The following AMMECR1L variants were observed in gnomAD, a reference collection of about 807,000 sequenced individuals.
The protein encoded by AMMECR1L is AMMECR1-like protein.
In AMMECR1L, 4 loss-of-function variants were observed where a neutral mutation model predicts 36.8. The observed-to-expected ratio is 0.11, with a 90% CI of 0.05 to 0.25. The LOEUF is 0.25. Among genes scored for constraint, AMMECR1L ranks in the 10% least tolerant of loss-of-function variants. The pLI is 1.00. For synonymous variants in AMMECR1L, 147 were observed against 148.0 expected (o/e 0.99, Z 0.05); for missense variants, 232 against 392.1 (o/e 0.59, Z 3.45).
rs143512470 is a variant in AMMECR1L at position 127,873,963 on chromosome 2, C to T, written c.272G>A (p.Arg91Gln). Residue 91 changes from arginine to glutamine, a missense_variant, in exon 3 of 8, where the codon CGG (arginine) becomes CAG (glutamine). By Grantham distance (43) the Arg-to-Gln change is conservative. Coordinates refer to ENST00000272647, the MANE Select transcript of AMMECR1L (RefSeq NM_001199140.2). This position sits in a 1 kb window ranked among gnomAD's most constrained non-coding sequence, Gnocchi z 5.2. ...PASGALSPLP[R>Q]PNGTANTTKN... ...AGTGGTGTTGGCAGTTCCATTAGGCCGGGGAAGAGGGCTCAGCGCTCCCGA... is the reference window on the plus strand; with the variant it reads ...AGTGGTGTTGGCAGTTCCATTAGGCTGGGGAAGAGGGCTCAGCGCTCCCGA... 3.1e-5 allele frequency: 50 copies of T among 1,614,044 alleles called. No homozygotes were observed. Among genetic ancestry groups the T allele is most frequent in the East Asian group, 1.8e-4 (8 of 44,902 alleles).
intron 2 of AMMECR1L, among the ~76,000 whole-genome samples, chr2:127,875,991 C>T (rs1691221606): frequency 1.3e-5 from 2 of 151,998 alleles, no homozygotes; most frequent in Admixed American, 1.3e-4. Flanking sequence ...GGGGGTCTCA[C>T]TATGTTGTCC....
intron 5 of AMMECR1L, among the ~76,000 whole-genome samples, chr2:127,870,306 C>T (rs1286016908): frequency 7.3e-6 from 1 of 136,930 alleles, no homozygotes; most frequent in Non-Finnish European, 1.5e-5. Flanking sequence ...GAGCGAGACT[C>T]TGTCTCAAAA....
At chr2:127,868,111 C>T (rs1329960054) in intron 6 of AMMECR1L, among the ~76,000 whole-genome samples, 2 of 152,098 alleles carry the variant, frequency 1.3e-5, no homozygotes, top group African/African-American at 4.8e-5. Context: ...CCAGTATCCA[C>T]CTACCTTGCC....
chr2:127,869,194 A>T lies in AMMECR1L; in HGVS notation c.724+260T>A, dbSNP rs1690843808. On this transcript the variant is annotated intron_variant, in intron 6 of 7. Coordinates refer to ENST00000272647, the MANE Select transcript of AMMECR1L (RefSeq NM_001199140.2). The surrounding 1 kb of genome is among the most constrained non-coding windows in gnomAD (Gnocchi z 4.7). The stretch of plus-strand genomic sequence containing the variant: ...GCCACTGTAGTTTAAGGGGCTAAGA[A>T]ATAAAACTATTCATTGAAAAGAAGT... 6.6e-6 allele frequency among the ~76,000 whole-genome samples: 1 copy of T among 152,234 alleles called. No individual in the cohort carries two copies. The highest frequency in any genetic ancestry group is 1.5e-5 in the Non-Finnish European group (1 of 68,042).
At chr2:127,883,984 TAGCTCACTCTAATGGGAGTATGAAA>T (rs1691639532) in intron 2 of AMMECR1L, among the ~76,000 whole-genome samples, 194 bp downstream of exon 2, 1 of 152,186 alleles carries the variant, frequency 6.6e-6, no homozygotes, top group South Asian at 2.1e-4. Context: ...CGCCACCACC[TAGCTCACTCTAATGGGAGTATGAAA>T]AACAAACTTG....
Position 127,873,148 on chromosome 2 carries a change from G to A in AMMECR1L, c.407+680C>T. 1.0e-5 allele frequency: 10 copies of A among 985,382 alleles called. No individual in the cohort carries two copies. The highest frequency in any genetic ancestry group is 1.2e-5 in the Non-Finnish European group (10 of 829,922). 61.0% of individuals were successfully genotyped at this position (985,382 alleles called of 1,614,324 possible). A position where few individuals can be genotyped will look rare whatever the true frequency, so the allele number is the denominator to read the frequency against. On this transcript the variant is annotated intron_variant, in intron 3 of 7. Transcript: ENST00000272647. The surrounding 1 kb of genome is among the most constrained non-coding windows in gnomAD (Gnocchi z 5.2). ...CCCCCAAAACAAAAATAAAAAAACAGCAATGCTCTTCAAAGCCAGCTCAGA... is the reference window on the plus strand; with the variant it reads ...CCCCCAAAACAAAAATAAAAAAACAACAATGCTCTTCAAAGCCAGCTCAGA...
At chr2:127,875,606 A>T (rs2104765538) in intron 2 of AMMECR1L, among the ~76,000 whole-genome samples, 1 of 152,376 alleles carries the variant, frequency 6.6e-6, no homozygotes, top group Admixed American at 6.5e-5. Context: ...GTTGAATGAT[A>T]TAAACATTTT....
rs1256891625 is a variant in AMMECR1L, at chr2:127,874,928, A to T, written c.-38-656T>A. On this transcript the variant is annotated intron_variant, in intron 2 of 7. Coordinates refer to ENST00000272647, the MANE Select transcript of AMMECR1L (RefSeq NM_001199140.2). The surrounding 1 kb of genome is among the most constrained non-coding windows in gnomAD (Gnocchi z 5.2). ...CCTCTGAACTCACTCCAATTTCTAT[A>T]CATCTCCCTATCCTTTCAAGACCCC... Among the ~76,000 whole-genome samples the T allele has an allele frequency of 6.6e-6, 1 of 152,110 alleles. No homozygotes were observed. Among genetic ancestry groups the T allele is most frequent in the Non-Finnish European group, 1.5e-5 (1 of 68,008 alleles).
chr2:127,869,558 T>C lies in AMMECR1L; in HGVS notation c.634-14A>G. The C allele has an allele frequency of 6.3e-7, 1 of 1,597,066 alleles. No homozygotes were observed. The highest frequency in any genetic ancestry group is 8.6e-7 in the Non-Finnish European group (1 of 1,164,574). ...ATGGACCCCTACCTATAGAAAAAAGTACAACCAAGTAAATGGCATTTACTT... is the reference window on the plus strand; with the variant it reads ...ATGGACCCCTACCTATAGAAAAAAGCACAACCAAGTAAATGGCATTTACTT... On this transcript the variant is annotated splice_polypyrimidine_tract_variant and intron_variant, in intron 5 of 7. Coordinates refer to ENST00000272647, the MANE Select transcript of AMMECR1L (RefSeq NM_001199140.2). The surrounding 1 kb of genome is among the most constrained non-coding windows in gnomAD (Gnocchi z 4.7).
chr2:127,883,090 G>C (rs1691586811), intron 2 of AMMECR1L, among the ~76,000 whole-genome samples: 1 of 138,632 alleles, frequency 7.2e-6, no homozygotes. Flanking sequence ...ATAAAGAACT[G>C]CAAATTTCTT....
intron 3 of AMMECR1L, among the ~76,000 whole-genome samples, chr2:127,872,456 A>G (rs1228110647): frequency 6.6e-6 from 1 of 152,174 alleles, no homozygotes; most frequent in East Asian, 1.9e-4. Flanking sequence ...AAGAGGTTTC[A>G]AGGCCTGTTC....
At chr2:127,883,895 G>A (rs1691633777) in intron 2 of AMMECR1L, among the ~76,000 whole-genome samples, 1 of 152,148 alleles carries the variant, frequency 6.6e-6, no homozygotes, top group Non-Finnish European at 1.5e-5. Context: ...CAACCTCTTT[G>A]GTTGTATTGA....
rs1690878922 is a variant in AMMECR1L, at chr2:127,869,874, T to C, written c.634-330A>G. ...CATGCCACAAGGTTTTTATCTGGGG[T>C]CATGATCCTTCACATCTGATTCCTA... is the stretch of plus-strand genomic sequence containing the variant. On this transcript the variant is annotated intron_variant, in intron 5 of 7. Transcript: ENST00000272647. This position sits in a 1 kb window ranked among gnomAD's most constrained non-coding sequence, Gnocchi z 4.7. 6.6e-6 allele frequency among the ~76,000 whole-genome samples: 1 copy of C among 152,208 alleles called. No homozygotes were observed. The highest frequency in any genetic ancestry group is 2.4e-5 in the African/African-American group (1 of 41,446).
At chr2:127,867,130 C>A in intron 6 of AMMECR1L, 134 bp from the exon 7 acceptor site, 1 of 1,489,712 alleles carries the variant, frequency 6.7e-7, no homozygotes. Context: ...GCCCTGGGCA[C>A]TGACCCCCAC....
Sources: gnomAD v4.1 joint callset for allele counts (sites outside exome capture counted in the v4.1 genomes callset) on GRCh38, gnomAD v4.1.1 for gene constraint, Gnocchi (gnomAD v3.1) non-coding constraint, MANE v1.5 for transcripts, NCBI Gene and HGNC (gene_info 2026-07-23, HGNC 2026-07-21) for gene names.